ZC3H3: variants seen among roughly 807,000 people sequenced by gnomAD.
ZC3H3 encodes the protein zinc finger CCCH domain-containing protein 3.
Under a neutral mutation model 77.3 loss-of-function variants are expected in ZC3H3, and 36 were observed. The ratio of observed to expected loss-of-function variants is 0.47; its 90% confidence interval spans 0.36 to 0.61. The LOEUF (loss-of-function observed/expected upper bound fraction) is 0.61, where lower values mean the gene tolerates loss of function less well. Among genes scored for constraint, ZC3H3 ranks in the 20% least tolerant of loss-of-function variants. ZC3H3 has a pLI of 0.00. For missense variants in ZC3H3, 1,331 were observed against 1,312.2 expected (o/e 1.01, Z -0.22); for synonymous variants, 626 against 555.2 (o/e 1.13, Z -1.79).
intron 1 of ZC3H3, among the ~76,000 whole-genome samples, chr8:143,540,295 C>T (rs1225945170): frequency 6.7e-6 from 1 of 148,350 alleles, no homozygotes; most frequent in African/African-American, 2.5e-5. Flanking sequence ...GTGCAGTGGC[C>T]CAATCACGGC....
chr8:143,438,849 C>T (rs1819651345), intron 11 of ZC3H3, among the ~76,000 whole-genome samples: 1 of 152,210 alleles, frequency 6.6e-6, no homozygotes. Flanking sequence ...GAGTCGGGCC[C>T]AGCAGCCAGG....
At chr8:143,495,457 G>C (rs2129981696) in intron 4 of ZC3H3, among the ~76,000 whole-genome samples, 1 of 152,346 alleles carries the variant, frequency 6.6e-6, no homozygotes, top group Admixed American at 6.5e-5. Context: ...CTAATCCACA[G>C]TGAGAGACTC....
chr8:143,524,220 C>T (rs1822340542), intron 3 of ZC3H3, among the ~76,000 whole-genome samples: 1 of 152,204 alleles, frequency 6.6e-6, no homozygotes, highest in Non-Finnish European at 1.5e-5. Flanking sequence ...GGCTCTGAGC[C>T]CCACTCCCTC....
chr8:143,540,494 T>C (rs900508078), intron 1 of ZC3H3, among the ~76,000 whole-genome samples: 46 of 152,174 alleles, frequency 3.0e-4, no homozygotes, highest in African/African-American at 1.1e-3. Context: ...CCTCCCAAAG[T>C]GCTGGGATTA....
At chr8:143,536,564 A>G in intron 2 of ZC3H3, 111 bp from the exon 3 acceptor site, 1 of 1,182,946 alleles carries the variant, frequency 8.5e-7, no homozygotes, top group Non-Finnish European at 1.1e-6. Context: ...GGCCAGGACC[A>G]GGCCACAGCG....
chr8:143,471,765 T>C (rs60311060), intron 5 of ZC3H3, among the ~76,000 whole-genome samples: 9,458 of 152,280 alleles, frequency 0.062, 982 homozygotes, highest in African/African-American at 0.21. Flanking sequence ...CCCCCACCCC[T>C]TCCAAGAAGG....
chr8:143,520,577 A>T (rs913400473), intron 3 of ZC3H3, among the ~76,000 whole-genome samples: 8 of 152,144 alleles, frequency 5.3e-5, no homozygotes, highest in Non-Finnish European at 1.2e-4. Context: ...CCCCGAGATC[A>T]CCCAGCCTTG....
chr8:143,463,836 G>A (rs1183990598), intron 9 of ZC3H3, among the ~76,000 whole-genome samples: 1 of 152,238 alleles, frequency 6.6e-6, no homozygotes, highest in African/African-American at 2.4e-5. Flanking sequence ...GAGGGCAGGC[G>A]GCATCTGGCA....
chr8:143,534,625 C>A (rs1164409762), intron 3 of ZC3H3, among the ~76,000 whole-genome samples: 2 of 152,120 alleles, frequency 1.3e-5, no homozygotes, highest in African/African-American at 4.8e-5. Context: ...GCTGGCCTCC[C>A]AGAGCTGGAC....
intron 3 of ZC3H3, among the ~76,000 whole-genome samples, chr8:143,526,453 TCC>T (rs1822415752): frequency 6.6e-6 from 1 of 152,308 alleles, no homozygotes; most frequent in African/African-American, 2.4e-5. Context: ...AACCAGGACT[TCC>T]TTCCCATCAG....
intron 3 of ZC3H3, among the ~76,000 whole-genome samples, chr8:143,510,176 G>A (rs1047757064): frequency 1.3e-5 from 2 of 152,182 alleles, no homozygotes; most frequent in African/African-American, 2.4e-5. Context: ...ATAACGCAGC[G>A]CCAGCCTCTT....
At chr8:143,507,562 T>G (rs913143286) in intron 4 of ZC3H3, among the ~76,000 whole-genome samples, 184 bp downstream of exon 4, 9 of 152,234 alleles carry the variant, frequency 5.9e-5, no homozygotes, top group Non-Finnish European at 1.0e-4. Flanking sequence ...GGCCTCCTAT[T>G]TGGTGCAGAA....
At chr8:143,477,836 C>T (rs11779477) in intron 4 of ZC3H3, among the ~76,000 whole-genome samples, 31,185 of 152,144 alleles carry the variant, frequency 0.2, 3,839 homozygotes, top group Non-Finnish European at 0.28. Context: ...AGGGTGCACC[C>T]CCCCACCGCA....
chr8:143,468,871 T>G (rs1157481320), intron 5 of ZC3H3, among the ~76,000 whole-genome samples: 2 of 152,046 alleles, frequency 1.3e-5, no homozygotes, highest in Non-Finnish European at 2.9e-5. Flanking sequence ...CACCTGAGAG[T>G]GGGGAGCTGC....
chr8:143,536,920 G>A (rs1822818535), intron 2 of ZC3H3, among the ~76,000 whole-genome samples: 1 of 152,142 alleles, frequency 6.6e-6, no homozygotes, highest in Admixed American at 6.5e-5. Context: ...GGAGCTGCCA[G>A]CATGGTTTAG....
At chr8:143,521,609 G>A (rs1822244816) in intron 3 of ZC3H3, among the ~76,000 whole-genome samples, 1 of 152,302 alleles carries the variant, frequency 6.6e-6, no homozygotes, top group South Asian at 2.1e-4. Flanking sequence ...AGGTGGGACA[G>A]GCATGGAGGA....
chr8:143,472,403 C>T (rs117879931), intron 5 of ZC3H3, among the ~76,000 whole-genome samples: 1,829 of 152,312 alleles, frequency 0.012, 17 homozygotes, highest in Middle Eastern at 0.02. Context: ...AATGGCAAGG[C>T]GAGATTCTGC....
At chr8:143,514,601 G>A (rs912195285) in intron 3 of ZC3H3, among the ~76,000 whole-genome samples, 1 of 152,210 alleles carries the variant, frequency 6.6e-6, no homozygotes, top group Non-Finnish European at 1.5e-5. Context: ...CAGCCAGGAC[G>A]GGGCCGGGTT....
chr8:143,480,256 C>A (rs942412803), intron 4 of ZC3H3, among the ~76,000 whole-genome samples: 4 of 152,172 alleles, frequency 2.6e-5, no homozygotes, highest in Non-Finnish European at 5.9e-5. Context: ...CATCCCCTGC[C>A]GGCATCCACA....
Sources: gnomAD v4.1 joint callset for allele counts (sites outside exome capture counted in the v4.1 genomes callset) on GRCh38, gnomAD v4.1.1 for gene constraint, MANE v1.5 for transcripts, NCBI Gene and HGNC (gene_info 2026-07-23, HGNC 2026-07-21) for gene names.